PCLO: variants seen among roughly 807,000 people sequenced by gnomAD.
PCLO encodes the protein piccolo presynaptic cytomatrix protein, also known as protein piccolo.
Under a neutral mutation model 427.5 loss-of-function variants are expected in PCLO, and 82 were observed. The observed-to-expected ratio is 0.19, with a 90% confidence interval of 0.16 to 0.23. PCLO has a LOEUF of 0.23. Among genes scored for constraint, PCLO ranks in the 10% least tolerant of loss-of-function variants. The pLI, the probability that PCLO is intolerant of heterozygous loss-of-function variation, is 1.00. For synonymous variants in PCLO, 2,357 were observed against 2,155.4 expected (o/e 1.09, Z -2.59); for missense variants, 6,239 against 6,115.9 (o/e 1.02, Z -0.67).
At chr7:83,089,421 TC>T (rs958969026) in intron 3 of PCLO, among the ~76,000 whole-genome samples, 1 of 151,880 alleles carries the variant, frequency 6.6e-6, no homozygotes, top group East Asian at 1.9e-4. Flanking sequence ...CTGTCCTTTC[TC>T]CCCCCTGACC....
chr7:82,962,609 A>G (rs1195873315), intron 4 of PCLO, among the ~76,000 whole-genome samples: 1 of 151,716 alleles, frequency 6.6e-6, no homozygotes, highest in Non-Finnish European at 1.5e-5. Flanking sequence ...ACTATTGTGA[A>G]CCCTCAAGGA....
chr7:83,095,447 T>A (rs1790509489), intron 3 of PCLO, among the ~76,000 whole-genome samples: 1 of 151,868 alleles, frequency 6.6e-6, no homozygotes, highest in South Asian at 2.1e-4. Context: ...CTGCTCTTTA[T>A]TATTTTTTTC....
chr7:83,091,810 C>T (rs1345881959), intron 3 of PCLO, among the ~76,000 whole-genome samples: 1 of 152,108 alleles, frequency 6.6e-6, no homozygotes, highest in Non-Finnish European at 1.5e-5. Context: ...CTATTTAAAA[C>T]TATTTTACTA....
intron 3 of PCLO, among the ~76,000 whole-genome samples, chr7:83,030,739 G>A (rs1391475571): frequency 6.6e-6 from 1 of 152,148 alleles, no homozygotes; most frequent in African/African-American, 2.4e-5. Context: ...CAATAACCTG[G>A]CAGTGTTGCA....
At position 82,916,168 on chromosome 7, in the gene PCLO, C is replaced by T; in HGVS notation, c.11818G>A (p.Val3940Ile). 6.2e-7 allele frequency: 1 copy of T among 1,613,528 alleles called. No homozygotes were observed. Among genetic ancestry groups the T allele is most frequent in the Non-Finnish European group, 8.5e-7 (1 of 1,179,708 alleles). ...GGCTGTGGGGTTGGTGTAGGTTGAACTTGAGGTGTGAAGGACATTGTTGCC... is the reference window on the plus strand; with the variant it reads ...GGCTGTGGGGTTGGTGTAGGTTGAATTTGAGGTGTGAAGGACATTGTTGCC... ...AVATMSFTPQ[V>I]QPTPTPQPSY... The change falls in exon 7 of 25, where the codon GTT becomes ATT. Residue 3940 changes from valine (V) to isoleucine (I), a missense_variant. Transcript: ENST00000333891.
intron 1 of PCLO, among the ~76,000 whole-genome samples, chr7:83,157,082 A>T (rs755640190): frequency 6.6e-6 from 1 of 152,140 alleles, no homozygotes; most frequent in Non-Finnish European, 1.5e-5. Flanking sequence ...ACTAGCCAGG[A>T]GAGACTGGGA....
chr7:82,916,904 T>C (rs1470424709), intron 6 of PCLO, 31 bp from the exon 7 acceptor site: 11 of 1,444,954 alleles, frequency 7.6e-6, no homozygotes, highest in Non-Finnish European at 1.0e-5. Flanking sequence ...TATAGTACTT[T>C]AGTATAAAGA....
At chr7:82,778,306 T>C (rs960173829) in intron 22 of PCLO, among the ~76,000 whole-genome samples, 19 of 152,114 alleles carry the variant, frequency 1.2e-4, no homozygotes, top group African/African-American at 4.6e-4. Flanking sequence ...AACACTTGTA[T>C]GCTGTTAGTG....
intron 3 of PCLO, among the ~76,000 whole-genome samples, chr7:83,003,355 T>G (rs1787870993): frequency 1.3e-5 from 2 of 151,806 alleles, no homozygotes; most frequent in East Asian, 1.9e-4. Flanking sequence ...TCAAGATTTC[T>G]TATAAATGCA....
chr7:82,948,536 G>C (rs1185127644), intron 6 of PCLO, among the ~76,000 whole-genome samples: 1 of 152,072 alleles, frequency 6.6e-6, no homozygotes, highest in Non-Finnish European at 1.5e-5. Context: ...CAGTAATCAT[G>C]CATTAGGGGA....
At chr7:82,833,893 A>G (rs1030520274) in intron 16 of PCLO, among the ~76,000 whole-genome samples, 3 of 152,262 alleles carry the variant, frequency 2.0e-5, no homozygotes, top group Middle Eastern at 3.4e-3. Flanking sequence ...TGCAGAAGAT[A>G]AAATAGTTTT....
chr7:82,988,872 T>C (rs1219904986), intron 3 of PCLO, among the ~76,000 whole-genome samples: 1 of 152,060 alleles, frequency 6.6e-6, no homozygotes, highest in Non-Finnish European at 1.5e-5. Flanking sequence ...TTCGCTCTTG[T>C]TGCCCAGGCT....
chr7:82,822,739 C>G (rs780090642), intron 19 of PCLO, 50 bp from the exon 20 acceptor site: 1 of 1,519,910 alleles, frequency 6.6e-7, no homozygotes, highest in East Asian at 2.3e-5. Flanking sequence ...AGCATTCCTC[C>G]TATCAAGCTT....
At chr7:82,929,695 C>T (rs950799762) in intron 6 of PCLO, among the ~76,000 whole-genome samples, 1 of 152,044 alleles carries the variant, frequency 6.6e-6, no homozygotes. Context: ...GCCATCAATC[C>T]TTGTTTTCTA....
In PCLO at chr7:82,902,075, G is replaced by C. The variant is rs1321237088; in HGVS notation, c.13528+576C>G. On this transcript the variant is annotated intron_variant, in intron 9 of 24. Transcript: ENST00000333891. ...ATTTGACCCAGCCATCCCATTACTGGGTATATACCCAAAGGACTATAAATC... is the reference window on the plus strand; with the variant it reads ...ATTTGACCCAGCCATCCCATTACTGCGTATATACCCAAAGGACTATAAATC... Among the ~76,000 whole-genome samples the C allele has an allele frequency of 2.6e-5, 4 of 151,746 alleles. No individual in the cohort carries two copies. In the East Asian group the frequency reaches 7.8e-4, roughly 30 times the overall value.
intron 3 of PCLO, among the ~76,000 whole-genome samples, chr7:82,997,185 A>G (rs926597274): frequency 2.0e-5 from 3 of 151,944 alleles, no homozygotes; most frequent in African/African-American, 7.2e-5. Flanking sequence ...AGATCAGGGA[A>G]TAAGAGTACA....
chr7:82,809,485 C>G (rs974690259), intron 20 of PCLO, among the ~76,000 whole-genome samples: 15 of 151,606 alleles, frequency 9.9e-5, no homozygotes, highest in African/African-American at 3.4e-4. Context: ...TCTCCTATGT[C>G]TGGACTCTTG....
intron 8 of PCLO, among the ~76,000 whole-genome samples, chr7:82,904,595 C>T (rs1363475888): frequency 3.3e-5 from 5 of 152,004 alleles, no homozygotes. Context: ...GTTATTCTTT[C>T]CATTTGGTCA....
At chr7:82,858,945 T>C (rs1026109255) in intron 10 of PCLO, among the ~76,000 whole-genome samples, 27 of 152,160 alleles carry the variant, frequency 1.8e-4, no homozygotes, top group African/African-American at 6.0e-4. Flanking sequence ...TAATTTTTCA[T>C]AGAAATAGAA....
Sources: allele counts gnomAD v4.1 joint callset (sites outside exome capture counted in the v4.1 genomes callset), GRCh38; gene constraint gnomAD v4.1.1; transcripts MANE v1.5; gene names NCBI Gene and HGNC (gene_info 2026-07-23, HGNC 2026-07-21).